Variants in GRIK1 observed in about 807,000 individuals in gnomAD.
GRIK1 encodes glutamate ionotropic receptor kainate type subunit 1.
In GRIK1, 69 loss-of-function variants were observed where a neutral mutation model predicts 105.7. The ratio of observed to expected loss-of-function variants is 0.65; its 90% CI spans 0.54 to 0.80. The LOEUF is 0.80. Ranked by LOEUF, GRIK1 falls within the 30% of genes least tolerant of loss-of-function variation. The pLI is 0.00. For synonymous variants in GRIK1, 438 were observed against 431.3 expected (o/e 1.02, Z -0.19); for missense variants, 1,109 against 1,167.3 (o/e 0.95, Z 0.73).
At chr21:29,714,242 T>C (rs2146828493) in intron 1 of GRIK1, among the ~76,000 whole-genome samples, 1 of 152,254 alleles carries the variant, frequency 6.6e-6, no homozygotes, top group African/African-American at 2.4e-5. Flanking sequence ...CTTCCCATGA[T>C]TGTCTTTGGT....
rs772236978 is a variant in GRIK1 at position 29,560,496 on chromosome 21, TTTCCTTCCTTCCTTCCTTCC to T, written c.2356+1108_2356+1127del. 1.5e-3 allele frequency among the ~76,000 whole-genome samples: 46 copies of T among 30,254 alleles called. 2 individuals are homozygous for T. Among genetic ancestry groups the T allele is most frequent in the African/African-American group, 3.8e-3 (21 of 5,544 alleles). The allele number at this position is 30,254 out of a possible 152,430, so 19.8% of individuals were successfully genotyped here. ...TTCTCTCTCTCCCTTTCTTTCTTTC[TTTCCTTCCTTCCTTCCTTCC>T]TTCCTTTCTTTCTTTCTTTCTTTCT... On this transcript the variant is annotated intron_variant, in intron 15 of 17. Coordinates refer to ENST00000327783, the MANE Select transcript of GRIK1 (RefSeq NM_001330994.2).
At chr21:29,732,860 T>G (rs111491790) in intron 1 of GRIK1, among the ~76,000 whole-genome samples, 8,985 of 152,242 alleles carry the variant, frequency 0.059, 303 homozygotes, top group African/African-American at 0.067. Context: ...CCTCAGAAGA[T>G]CAAAATGGCA....
At chr21:29,548,245 T>G (rs1255018533) in intron 16 of GRIK1, among the ~76,000 whole-genome samples, 1 of 152,212 alleles carries the variant, frequency 6.6e-6, no homozygotes, top group Non-Finnish European at 1.5e-5. Flanking sequence ...AAGTTCAAAT[T>G]CTGCAGGGTT....
intron 1 of GRIK1, among the ~76,000 whole-genome samples, chr21:29,925,942 A>C (rs1030541064): frequency 6.6e-6 from 1 of 152,216 alleles, no homozygotes; most frequent in African/African-American, 2.4e-5. Context: ...ACAAATTGTA[A>C]TGGCCGTAGA....
intron 1 of GRIK1, among the ~76,000 whole-genome samples, chr21:29,848,817 G>A (rs1439279395): frequency 1.7e-5 from 2 of 121,200 alleles, no homozygotes; most frequent in South Asian, 2.5e-4. Flanking sequence ...TTAGCTGTTT[G>A]GTATACGTAA....
In GRIK1 at chr21:29,561,724, C is replaced by T. The variant is rs994945122; in HGVS notation, c.2256G>A (p.Met752Ile). 5.6e-6 allele frequency: 9 copies of T among 1,613,872 alleles called. No homozygotes were observed. The African/African-American group carries it at 6.7e-5, about 12-fold the overall frequency. ...TCACATACTCAATGCTGGTGGACTC[C>T]ATCAGCAGCGCGTAGTCTGTGGTGA... is the stretch of plus-strand genomic sequence containing the variant. ...RVLTTDYALL[M>I]ESTSIEYVTQ... The change falls in exon 15 of 18, where the codon ATG (methionine) becomes ATA (isoleucine). Residue 752 changes from methionine (M) to isoleucine (I), a missense_variant. Physicochemically the swap from Met to Ile is conservative, Grantham distance 10. This residue lies in a region of GRIK1 where 264 missense variants were observed against 306.9 expected (regional missense o/e 0.86). Transcript: ENST00000327783.
chr21:29,818,965 G>T (rs965664520), intron 1 of GRIK1, among the ~76,000 whole-genome samples: 5 of 151,946 alleles, frequency 3.3e-5, no homozygotes, highest in African/African-American at 9.7e-5. Context: ...GGTCTACTAT[G>T]GTTATTATCC....
At chr21:29,832,341 T>G (rs546024269) in intron 1 of GRIK1, among the ~76,000 whole-genome samples, 1 of 152,322 alleles carries the variant, frequency 6.6e-6, no homozygotes, top group East Asian at 1.9e-4. Flanking sequence ...CACTAGGTAT[T>G]GCCCTGGTGG....
intron 2 of GRIK1, among the ~76,000 whole-genome samples, chr21:29,691,015 T>TAA (rs2063574904): frequency 6.6e-6 from 1 of 152,164 alleles, no homozygotes. Flanking sequence ...ATCCCTTATT[T>TAA]AAGCATTCCT....
At chr21:29,849,536 T>C (rs2068239575) in intron 1 of GRIK1, among the ~76,000 whole-genome samples, 1 of 152,214 alleles carries the variant, frequency 6.6e-6, no homozygotes, top group African/African-American at 2.4e-5. Context: ...ACACAGTTCT[T>C]ATGTACTACT....
At chr21:29,910,387 A>T (rs561902599) in intron 1 of GRIK1, among the ~76,000 whole-genome samples, 1 of 152,204 alleles carries the variant, frequency 6.6e-6, no homozygotes, top group South Asian at 2.1e-4. Context: ...ATCTCCGTAA[A>T]GCAAAAACAG....
intron 1 of GRIK1, among the ~76,000 whole-genome samples, chr21:29,877,475 A>C (rs1251898884): frequency 6.6e-6 from 1 of 152,144 alleles, no homozygotes. Flanking sequence ...TCCTTAACTA[A>C]ATTTTATAGA....
intron 1 of GRIK1, among the ~76,000 whole-genome samples, chr21:29,873,356 G>GT (rs922431016): frequency 5.3e-5 from 8 of 152,184 alleles, no homozygotes; most frequent in African/African-American, 1.9e-4. Context: ...GCATTTCTGT[G>GT]TTTAAGAGTT....
At chr21:29,553,697 C>T (rs769194374) in intron 16 of GRIK1, 1 of 1,554,838 alleles carries the variant, frequency 6.4e-7, no homozygotes, top group Non-Finnish European at 8.7e-7. Context: ...ATAAAAGAAA[C>T]AAAAAGCCTT....
At chr21:29,771,357 G>A (rs948944102) in intron 1 of GRIK1, among the ~76,000 whole-genome samples, 1 of 152,014 alleles carries the variant, frequency 6.6e-6, no homozygotes, top group Admixed American at 6.6e-5. Flanking sequence ...ATGTCTAATG[G>A]AGTAAGAGAA....
intron 1 of GRIK1, among the ~76,000 whole-genome samples, chr21:29,765,745 T>A (rs2065646575): frequency 2.6e-5 from 4 of 152,148 alleles, no homozygotes; most frequent in Admixed American, 2.6e-4. Flanking sequence ...GGTTATATTG[T>A]CCACCTGCAT....
At chr21:29,843,042 G>T (rs2146010171) in intron 1 of GRIK1, among the ~76,000 whole-genome samples, 1 of 152,170 alleles carries the variant, frequency 6.6e-6, no homozygotes, top group Admixed American at 6.5e-5. Flanking sequence ...TGTGTTCTCA[G>T]TTCTGAACTC....
At chr21:29,823,638 G>T (rs554522106) in intron 1 of GRIK1, among the ~76,000 whole-genome samples, 1 of 151,850 alleles carries the variant, frequency 6.6e-6, no homozygotes, top group East Asian at 1.9e-4. Context: ...TGACCAAGGA[G>T]TACTCTTACA....
chr21:29,750,454 G>A (rs1316940358), intron 1 of GRIK1, among the ~76,000 whole-genome samples: 4 of 152,188 alleles, frequency 2.6e-5, no homozygotes, highest in Non-Finnish European at 5.9e-5. Context: ...GAGAAAAGAT[G>A]TAGCAATTTT....
Sources: gnomAD v4.1 joint callset for allele counts (sites outside exome capture counted in the v4.1 genomes callset) on GRCh38, gnomAD v4.1.1 for gene constraint, gnomAD v4.1.1 regional missense constraint, MANE v1.5 for transcripts, NCBI Gene and HGNC (gene_info 2026-07-23, HGNC 2026-07-21) for gene names.